Variants in INPP5A observed in about 807,000 individuals in gnomAD.
The protein encoded by INPP5A is inositol polyphosphate-5-phosphatase A.
INPP5A carries 14 observed loss-of-function variants against 65.2 expected under a neutral mutation model. The ratio of observed to expected loss-of-function variants is 0.21; its 90% CI spans 0.14 to 0.34. The LOEUF (loss-of-function observed/expected upper bound fraction) is 0.34. Among genes scored for constraint, INPP5A ranks in the 10% least tolerant of loss-of-function variants. INPP5A has a pLI of 1.00. For missense variants in INPP5A, 431 were observed against 545.6 expected, an observed-to-expected ratio of 0.79 and a Z score of 2.09; for synonymous variants, 207 against 208.3, an observed-to-expected ratio of 0.99 and a Z score of 0.05.
At chr10:132,586,254 C>T (rs999076343) in intron 1 of INPP5A, among the ~76,000 whole-genome samples, 4 of 152,218 alleles carry the variant, frequency 2.6e-5, no homozygotes, top group Non-Finnish European at 5.9e-5. Context: ...CCCCCACCTC[C>T]GACTCTGTTA....
rs754632381 is a variant in INPP5A at position 132,727,888 on chromosome 10, G to A, written c.732+983G>A. On this transcript the variant is annotated intron_variant, in intron 9 of 15. Coordinates refer to ENST00000368594, the MANE Select transcript of INPP5A (RefSeq NM_005539.5). The surrounding 1 kb of genome is among the most constrained non-coding windows in gnomAD (Gnocchi z 6.5). Reference sequence around the variant, plus strand: ...TGGATGGGAACACGGTGAGTCGAACGGGGACATGGCGGTCCCCGAGACTGT... The same window carrying A: ...TGGATGGGAACACGGTGAGTCGAACAGGGACATGGCGGTCCCCGAGACTGT... Among the ~76,000 whole-genome samples the A allele has an allele frequency of 7.2e-5, 11 of 152,146 alleles. No individual in the cohort carries two copies. Among genetic ancestry groups the A allele is most frequent in the African/African-American group, 2.2e-4 (9 of 41,426 alleles).
intron 12 of INPP5A, among the ~76,000 whole-genome samples, chr10:132,773,063 T>G (rs1310581434): frequency 6.6e-6 from 1 of 152,194 alleles, no homozygotes; most frequent in African/African-American, 2.4e-5. Context: ...GGGAATCACC[T>G]CCCACCGCCC....
chr10:132,691,802 T>TGGGAGACGTGCGGTCGC (rs1177786814), intron 5 of INPP5A, among the ~76,000 whole-genome samples: 111 of 147,582 alleles, frequency 7.5e-4, no homozygotes, highest in African/African-American at 2.4e-3. Context: ...CGTGTGGACA[T>TGGGAGACGTGCGGTCGC]GGGAGACGTG....
At chr10:132,739,868 G>A (rs1464491591) in intron 9 of INPP5A, among the ~76,000 whole-genome samples, 3 of 152,202 alleles carry the variant, frequency 2.0e-5, no homozygotes, top group Admixed American at 2.0e-4. Context: ...TCTCCACCCT[G>A]TGTGTCCGTT....
chr10:132,559,599 C>T (rs556427220), intron 1 of INPP5A, among the ~76,000 whole-genome samples: 41 of 152,144 alleles, frequency 2.7e-4, no homozygotes, highest in Non-Finnish European at 5.4e-4. Context: ...GCCTTCGCAT[C>T]GTACTTCACG....
intron 8 of INPP5A, among the ~76,000 whole-genome samples, chr10:132,712,820 G>T (rs773680397): frequency 7.9e-5 from 12 of 151,680 alleles, no homozygotes; most frequent in Non-Finnish European, 1.6e-4. Context: ...ATGTGTGTGG[G>T]GCCTCGTGTG....
intron 11 of INPP5A, among the ~76,000 whole-genome samples, chr10:132,754,422 G>T (rs1157904866): frequency 6.6e-6 from 1 of 152,172 alleles, no homozygotes; most frequent in South Asian, 2.1e-4. Context: ...CTGCCCTGGG[G>T]TTTTCTCTCA....
intron 13 of INPP5A, among the ~76,000 whole-genome samples, chr10:132,778,531 T>C (rs1847102906): frequency 6.6e-6 from 1 of 152,126 alleles, no homozygotes; most frequent in Admixed American, 6.5e-5. Context: ...AATATCTGAA[T>C]TGGTTTTGTC....
Position 132,651,940 on chromosome 10 carries a change from G to T in INPP5A, c.306+1435G>T, listed in dbSNP as rs2072582357. 6.6e-6 allele frequency among the ~76,000 whole-genome samples: 1 copy of T among 152,100 alleles called. No individual in the cohort carries two copies. The highest frequency in any genetic ancestry group is 1.9e-4 in the East Asian group (1 of 5,170). ...CTCCTCACGCTCTGTGGGGCACACG[G>T]GGACCACGGGGCCCCCACTCACACC... On this transcript the variant is annotated intron_variant, in intron 4 of 15. Coordinates refer to ENST00000368594, the MANE Select transcript of INPP5A (RefSeq NM_005539.5). This position sits in a 1 kb window ranked among gnomAD's most constrained non-coding sequence, Gnocchi z 5.0.
intron 2 of INPP5A, among the ~76,000 whole-genome samples, chr10:132,615,998 C>G (rs555715111): frequency 7.9e-5 from 12 of 152,180 alleles, no homozygotes; most frequent in Non-Finnish European, 1.3e-4. Context: ...GGCCTCCCCT[C>G]TTAGTGGTGA....
At chr10:132,621,800 T>TTA (rs1554936287) in intron 2 of INPP5A, among the ~76,000 whole-genome samples, 1 of 151,100 alleles carries the variant, frequency 6.6e-6, no homozygotes, top group African/African-American at 2.4e-5. Context: ...TTTTTTTTTT[T>TTA]AAATCTGTGT....
At chr10:132,572,549 G>A (rs755754983) in intron 1 of INPP5A, among the ~76,000 whole-genome samples, 3 of 152,038 alleles carry the variant, frequency 2.0e-5, no homozygotes, top group Non-Finnish European at 4.4e-5. Flanking sequence ...CTTTCCCTGT[G>A]AAGCAGCGTG....
chr10:132,773,949 CA>C (rs1209915432), intron 12 of INPP5A, among the ~76,000 whole-genome samples: 1 of 152,142 alleles, frequency 6.6e-6, no homozygotes, highest in Admixed American at 6.5e-5. Context: ...TGTATAGAGA[CA>C]GGGGTCTTAC....
intron 4 of INPP5A, among the ~76,000 whole-genome samples, chr10:132,688,021 C>T (rs754365221): frequency 1.4e-4 from 22 of 152,192 alleles, no homozygotes; most frequent in Non-Finnish European, 1.0e-4. Context: ...CCAGCGTCCC[C>T]GGGAGCAGGA....
chr10:132,554,838 G>A (rs924608293), intron 1 of INPP5A, among the ~76,000 whole-genome samples: 12 of 150,628 alleles, frequency 8.0e-5, no homozygotes, highest in Non-Finnish European at 1.2e-4. Context: ...TGGCATGATC[G>A]GTGTGGGTGG....
intron 9 of INPP5A, among the ~76,000 whole-genome samples, chr10:132,730,172 C>T (rs985606499): frequency 6.6e-6 from 1 of 152,266 alleles, no homozygotes; most frequent in Non-Finnish European, 1.5e-5. Context: ...GGTCCACCTG[C>T]CCTGTCCTCA....
intron 1 of INPP5A, among the ~76,000 whole-genome samples, chr10:132,573,887 G>A (rs1158401288): frequency 2.9e-5 from 4 of 137,434 alleles, no homozygotes; most frequent in East Asian, 2.3e-4. Flanking sequence ...TGTGTGTGCC[G>A]TGTGAGGTTT....
intron 4 of INPP5A, among the ~76,000 whole-genome samples, chr10:132,680,264 C>G (rs903395184): frequency 4.6e-5 from 7 of 152,288 alleles, no homozygotes; most frequent in Middle Eastern, 6.8e-3. Context: ...ACAGCAACAA[C>G]AAAAACCAAC....
intron 11 of INPP5A, among the ~76,000 whole-genome samples, chr10:132,763,294 C>T (rs538449807): frequency 8.5e-5 from 13 of 152,332 alleles, no homozygotes; most frequent in African/African-American, 2.9e-4. Flanking sequence ...AGCCAAGAAC[C>T]GCATGGCACC....
Sources: gnomAD v4.1 joint callset for allele counts (sites outside exome capture counted in the v4.1 genomes callset) on GRCh38, gnomAD v4.1.1 for gene constraint, Gnocchi (gnomAD v3.1) non-coding constraint, MANE v1.5 for transcripts, NCBI Gene and HGNC (gene_info 2026-07-23, HGNC 2026-07-21) for gene names.